GPATCH2L: variants seen among roughly 807,000 people sequenced by gnomAD.
GPATCH2L encodes the protein G patch domain-containing protein 2-like.
In GPATCH2L, 31 loss-of-function variants were observed where a neutral mutation model predicts 57.4. The observed-to-expected ratio is 0.54, with a 90% CI of 0.41 to 0.73. The LOEUF (loss-of-function observed/expected upper bound fraction) is 0.73, where lower values mean the gene tolerates loss of function less well. Ranked by LOEUF, GPATCH2L falls within the 30% of genes least tolerant of loss-of-function variation. GPATCH2L has a pLI of 0.00. For synonymous variants in GPATCH2L, 199 were observed against 210.7 expected (o/e 0.94, Z 0.48); for missense variants, 481 against 599.9 (o/e 0.80, Z 2.07).
At chr14:76,171,467 C>T (rs917743746) in intron 3 of GPATCH2L, among the ~76,000 whole-genome samples, 2 of 152,084 alleles carry the variant, frequency 1.3e-5, no homozygotes, top group African/African-American at 4.8e-5. Context: ...ATGCCAGCTA[C>T]TCAGGAGGCT....
intron 8 of GPATCH2L, among the ~76,000 whole-genome samples, chr14:76,189,990 G>A (rs760223447): frequency 2.6e-5 from 4 of 152,070 alleles, no homozygotes; most frequent in Non-Finnish European, 4.4e-5. Flanking sequence ...CTTGCCATTC[G>A]CAGACAGACT....
chr14:76,152,795 T>G (rs1242021127), intron 1 of GPATCH2L: 2 of 454,390 alleles, frequency 4.4e-6, no homozygotes, highest in Non-Finnish European at 8.8e-6. Context: ...TTTGTTTTTG[T>G]TTTTTGTATT....
At position 76,207,358 on chromosome 14, in the gene GPATCH2L, T is replaced by C. The variant is rs2040390601; in HGVS notation, c.*5507T>C. 1 of 152,158 alleles carries C rather than the reference T, an allele frequency of 6.6e-6. No homozygotes were observed. Among genetic ancestry groups the C allele is most frequent in the Middle Eastern group, 3.2e-3 (1 of 316 alleles). The allele number at this position is 152,158 out of a possible 1,614,324, so 9.4% of individuals were successfully genotyped here. The stretch of plus-strand genomic sequence containing the variant: ...ATAAAAATTGATAAAAATAGATCAA[T>C]GAATTGTTAGTCTACGAATGATAGT... On this transcript the variant is annotated 3_prime_UTR_variant, in exon 10 of 10. Coordinates refer to ENST00000261530, the MANE Select transcript of GPATCH2L (RefSeq NM_017926.4).
At position 76,204,907 on chromosome 14, in the gene GPATCH2L, A is replaced by G. The variant is rs2040357571; in HGVS notation, c.*3056A>G. On this transcript the variant is annotated 3_prime_UTR_variant, in exon 10 of 10. Coordinates refer to ENST00000261530, the MANE Select transcript of GPATCH2L (RefSeq NM_017926.4). ...AATTACGAGTTTAAAGGAATTTTAG[A>G]TTTTTTTCAGATGCAGTATTTTAAA... 1 of 152,058 alleles carries G rather than the reference A, an allele frequency of 6.6e-6. No individual in the cohort carries two copies. The highest frequency in any genetic ancestry group is 1.5e-5 in the Non-Finnish European group (1 of 68,026). The allele number at this position is 152,058 out of a possible 1,614,324, so 9.4% of individuals were successfully genotyped here. A position where few individuals can be genotyped will look rare whatever the true frequency, so the allele number is the denominator to read the frequency against.
chr14:76,216,675 T>C (rs921760560), downstream of GPATCH2L, among the ~76,000 whole-genome samples: 1 of 152,136 alleles, frequency 6.6e-6, no homozygotes, highest in African/African-American at 2.4e-5. Context: ...TTCTGGAGCT[T>C]GACACATTGA....
chr14:76,154,408 A>G lies in GPATCH2L; in HGVS notation c.45A>G (p.Thr15=), dbSNP rs1566763658. 6.2e-7 allele frequency: 1 copy of G among 1,613,452 alleles called. No individual in the cohort carries two copies. The highest frequency in any genetic ancestry group is 8.5e-7 in the Non-Finnish European group (1 of 1,179,420). The stretch of plus-strand genomic sequence containing the variant: ...ACTTAGCCTCAGCCTTGGAGCAGAC[A>G]TCTGAGCAGAATAAGCTTGGTGAAC... The part of the protein sequence containing the change: ...VHDLASALEQ[T]SEQNKLGELW... The change falls in exon 2 of 10, where the codon ACA becomes ACG. Residue 15 remains threonine (T), a synonymous_variant. Coordinates refer to ENST00000261530, the MANE Select transcript of GPATCH2L (RefSeq NM_017926.4). The surrounding 1 kb of genome is among the most constrained non-coding windows in gnomAD (Gnocchi z 4.4).
intron 2 of GPATCH2L, among the ~76,000 whole-genome samples, chr14:76,156,468 C>G (rs1566767566): frequency 6.6e-6 from 1 of 152,130 alleles, no homozygotes; most frequent in Admixed American, 6.5e-5. Flanking sequence ...TCCTAATTTT[C>G]CTCTAATGCC....
chr14:76,221,432 G>A (rs762395166), intron 1 of GPATCH2L, among the ~76,000 whole-genome samples: 5 of 152,086 alleles, frequency 3.3e-5, no homozygotes, highest in East Asian at 1.9e-4. Flanking sequence ...GATGAAAGAC[G>A]GTTTGGCAGT....
intron 1 of GPATCH2L, among the ~76,000 whole-genome samples, chr14:76,228,175 C>T (rs537114195): frequency 4.6e-5 from 7 of 152,276 alleles, no homozygotes; most frequent in African/African-American, 1.2e-4. Context: ...TGTTTCGCAT[C>T]GCCATTTAAA....
chr14:76,173,982 C>A, intron 5 of GPATCH2L: 3 of 299,536 alleles, frequency 1.0e-5, no homozygotes, highest in Middle Eastern at 9.3e-4. Flanking sequence ...CTCTTGAATT[C>A]ATGAATGCAT....
intron 8 of GPATCH2L, 40 bp downstream of exon 8, chr14:76,180,889 T>C: frequency 8.4e-7 from 1 of 1,196,696 alleles, no homozygotes; most frequent in Non-Finnish European, 1.3e-6. Context: ...TTCTGGACAA[T>C]ACTATATTCC....
In GPATCH2L at chr14:76,204,264, T is replaced by C. The variant is rs2040350356; in HGVS notation, c.*2413T>C. 1 of 152,254 alleles carries C rather than the reference T, an allele frequency of 6.6e-6. No individual in the cohort carries two copies. The allele number at this position is 152,254 out of a possible 1,614,324, so 9.4% of individuals were successfully genotyped here. A position where few individuals can be genotyped will look rare whatever the true frequency, so the allele number is the denominator to read the frequency against. ...TACCATGAATATTTATTATCTTTCTTGGGCATGCTTTTCTACACATTTTGA... is the reference window on the plus strand; with the variant it reads ...TACCATGAATATTTATTATCTTTCTCGGGCATGCTTTTCTACACATTTTGA... On this transcript the variant is annotated 3_prime_UTR_variant, in exon 10 of 10. Transcript: ENST00000261530.
chr14:76,182,608 A>AATG (rs2039617837), intron 8 of GPATCH2L, among the ~76,000 whole-genome samples: 1 of 146,206 alleles, frequency 6.8e-6, no homozygotes, highest in African/African-American at 2.5e-5. Context: ...AAAAAAAAAG[A>AATG]AAAGAATGTG....
At chr14:76,173,172 G>A (rs966859940) in intron 4 of GPATCH2L, among the ~76,000 whole-genome samples, 5 of 152,042 alleles carry the variant, frequency 3.3e-5, no homozygotes, top group Non-Finnish European at 5.9e-5. Context: ...TGTTTTTGAC[G>A]TACAAACTAA....
At chr14:76,218,892 T>C (rs2040501139), downstream of GPATCH2L, among the ~76,000 whole-genome samples, 1 of 150,918 alleles carries the variant, frequency 6.6e-6, no homozygotes, top group African/African-American at 2.4e-5. Flanking sequence ...AACTCCTAGG[T>C]AGGGCTCTGG....
chr14:76,152,733 T>C (rs1381550502), intron 1 of GPATCH2L: 1 of 455,998 alleles, frequency 2.2e-6, no homozygotes, highest in East Asian at 6.9e-5. Flanking sequence ...GTTTGATGAC[T>C]TCGTTCCATG....
chr14:76,230,103 C>T (rs759175948), intron 2 of GPATCH2L: 8 of 152,292 alleles, frequency 5.3e-5, no homozygotes, highest in Non-Finnish European at 1.2e-4. Context: ...TGACACAGCT[C>T]TCTGGGTTTC....
At chr14:76,152,150 TC>T (rs1336867286) in intron 1 of GPATCH2L, among the ~76,000 whole-genome samples, 159 bp downstream of exon 1, 1 of 152,112 alleles carries the variant, frequency 6.6e-6, no homozygotes, top group African/African-American at 2.4e-5. Flanking sequence ...AGGGCCCTTG[TC>T]CCCATCCCTG....
At chr14:76,201,564 TG>T in intron 9 of GPATCH2L, 126 bp from the exon 10 acceptor site, 1 of 527,976 alleles carries the variant, frequency 1.9e-6, no homozygotes, top group Non-Finnish European at 3.2e-6. Flanking sequence ...CGTGGCCACT[TG>T]GGTTACTAGG....
Sources: gnomAD v4.1 joint callset for allele counts (sites outside exome capture counted in the v4.1 genomes callset) on GRCh38, gnomAD v4.1.1 for gene constraint, Gnocchi (gnomAD v3.1) non-coding constraint, MANE v1.5 for transcripts, NCBI Gene and HGNC (gene_info 2026-07-23, HGNC 2026-07-21) for gene names.